The following TMEM40 variants were observed in gnomAD, a reference collection of about 807,000 sequenced individuals.
The protein encoded by TMEM40 is transmembrane protein 40.
TMEM40 carries 34 observed loss-of-function variants against 40.8 expected under a neutral mutation model. The observed-to-expected ratio is 0.83, with a 90% CI of 0.63 to 1.11. The LOEUF (loss-of-function observed/expected upper bound fraction) is 1.11, where lower values mean the gene tolerates loss of function less well. TMEM40 is among the 50% of genes least tolerant of loss of function. TMEM40 has a pLI of 0.00. For missense variants in TMEM40, 296 were observed against 280.2 expected, an observed-to-expected ratio of 1.06 and a Z score of -0.40; for synonymous variants, 106 against 107.0, an observed-to-expected ratio of 0.99 and a Z score of 0.06.
intron 7 of TMEM40, 122 bp downstream of exon 7, chr3:12,738,014 A>G (rs1359029124): frequency 1.6e-6 from 2 of 1,256,804 alleles, no homozygotes; most frequent in Non-Finnish European, 2.3e-6. Flanking sequence ...AATCATAGTG[A>G]CACTGGCTGG....
chr3:12,769,236 C>T (rs1257129337), intron 1 of TMEM40: 1 of 410,726 alleles, frequency 2.4e-6, no homozygotes, highest in South Asian at 1.6e-5. Context: ...CCCGCCCGTG[C>T]CTTTCTCTCC....
chr3:12,762,861 G>A (rs1330437042), upstream of TMEM40, among the ~76,000 whole-genome samples: 5 of 152,114 alleles, frequency 3.3e-5, no homozygotes, highest in Admixed American at 2.0e-4. Flanking sequence ...GATGTTTCCT[G>A]CCACTTAAAG....
Position 12,748,782 on chromosome 3 carries a change from T to C in TMEM40, c.84A>G (p.Thr28=). Residue 28 remains threonine (T), a synonymous_variant, in exon 3 of 12, where the codon ACA becomes ACG. Coordinates refer to ENST00000314124, the MANE Select transcript of TMEM40 (RefSeq NM_018306.4). The part of the protein sequence containing the change: ...RETEDVDYGE[T]DFHKQDGKAG... ...CCTTCCCATCTTGCTTGTGGAAATC[T>C]GTCTCTCCATCTACAAGGCACACAG... 1 of 1,614,048 alleles carries C rather than the reference T, an allele frequency of 6.2e-7. No homozygotes were observed.
chr3:12,737,500 C>T, intron 8 of TMEM40: 1 of 607,484 alleles, frequency 1.6e-6, no homozygotes, highest in Middle Eastern at 4.2e-4. Context: ...GGCCACTCCC[C>T]AACCTTGAAC....
chr3:12,751,734 G>A (rs1005304607), intron 1 of TMEM40, among the ~76,000 whole-genome samples: 3 of 152,172 alleles, frequency 2.0e-5, no homozygotes, highest in Non-Finnish European at 4.4e-5. Context: ...TTCTCTGCAC[G>A]CAACAGGTGA....
intron 10 of TMEM40, among the ~76,000 whole-genome samples, chr3:12,736,056 T>C (rs1235796249): frequency 6.6e-6 from 1 of 152,130 alleles, no homozygotes; most frequent in Non-Finnish European, 1.5e-5. Context: ...TGCTGTTGCA[T>C]TGTATGGAGC....
chr3:12,744,042 G>C (rs1392376946), intron 3 of TMEM40, 53 bp from the exon 4 acceptor site: 2 of 1,557,950 alleles, frequency 1.3e-6, no homozygotes, highest in Non-Finnish European at 1.8e-6. Flanking sequence ...AACAAGCTGG[G>C]AATGCGTTCA....
chr3:12,737,865 A>G (rs2061349306), intron 7 of TMEM40, 111 bp from the exon 8 acceptor site: 5 of 1,171,838 alleles, frequency 4.3e-6, no homozygotes, highest in Non-Finnish European at 5.1e-6. Flanking sequence ...TTCCTGGGTC[A>G]GAGGGCACTC....
chr3:12,764,149 G>A (rs1175568164), upstream of TMEM40, among the ~76,000 whole-genome samples: 1 of 151,940 alleles, frequency 6.6e-6, no homozygotes, highest in African/African-American at 2.4e-5. Flanking sequence ...CCTGACCTCA[G>A]ATAATCCACC....
chr3:12,735,875 A>T (rs1476745010), intron 10 of TMEM40, among the ~76,000 whole-genome samples: 1 of 152,212 alleles, frequency 6.6e-6, no homozygotes, highest in South Asian at 2.1e-4. Context: ...GTATCTGGCT[A>T]GTTCTATTTT....
chr3:12,738,025 C>T lies in TMEM40; in HGVS notation c.424+111G>A, dbSNP rs1459093826. 35 of 1,357,668 alleles carry T rather than the reference C, an allele frequency of 2.6e-5. No individual in the cohort carries two copies. In the Admixed American group the frequency reaches 2.9e-4, roughly 11 times the overall value. 84.1% of individuals were successfully genotyped at this position (1,357,668 alleles called of 1,614,324 possible). On this transcript the variant is annotated intron_variant, in intron 7 of 11. Coordinates refer to ENST00000314124, the MANE Select transcript of TMEM40 (RefSeq NM_018306.4). ...TCTGAATCATAGTGACACTGGCTGGCGACAGCATCCCTGCTGGGACTAACC... is the reference window on the plus strand; with the variant it reads ...TCTGAATCATAGTGACACTGGCTGGTGACAGCATCCCTGCTGGGACTAACC...
At chr3:12,749,544 AG>A (rs1236050227) in intron 2 of TMEM40, among the ~76,000 whole-genome samples, 1 of 152,202 alleles carries the variant, frequency 6.6e-6, no homozygotes, top group Non-Finnish European at 1.5e-5. Flanking sequence ...AGATTTGGCA[AG>A]CAGCTGAGGG....
intron 1 of TMEM40, among the ~76,000 whole-genome samples, chr3:12,767,111 G>A (rs1341293592): frequency 1.3e-5 from 2 of 152,214 alleles, no homozygotes; most frequent in Non-Finnish European, 2.9e-5. Context: ...GCAGCTACTA[G>A]AGAATGAATT....
upstream of TMEM40, among the ~76,000 whole-genome samples, chr3:12,761,188 G>A (rs1180173088): frequency 1.3e-5 from 2 of 152,244 alleles, no homozygotes; most frequent in African/African-American, 4.8e-5. Context: ...AACAGCCAGA[G>A]AGTGGGGGCC....
At chr3:12,749,182 AC>A (rs375543665) in intron 2 of TMEM40, among the ~76,000 whole-genome samples, 8 of 151,830 alleles carry the variant, frequency 5.3e-5, no homozygotes, top group African/African-American at 1.9e-4. Flanking sequence ...CCACCGCCAC[AC>A]CCGGCTAATT....
At chr3:12,741,032 C>G (rs2061378187) in intron 5 of TMEM40, among the ~76,000 whole-genome samples, 1 of 152,228 alleles carries the variant, frequency 6.6e-6, no homozygotes, top group Non-Finnish European at 1.5e-5. Flanking sequence ...GAACTCTGGA[C>G]TAGACAGGCA....
At chr3:12,760,121 T>C (rs2061558742), upstream of TMEM40, among the ~76,000 whole-genome samples, 1 of 152,140 alleles carries the variant, frequency 6.6e-6, no homozygotes, top group Admixed American at 6.5e-5. Flanking sequence ...GGTCCTGCCT[T>C]CAGTATAGCC....
At position 12,749,747 on chromosome 3, in the gene TMEM40, A is replaced by G. The variant is rs377245809; in HGVS notation, c.73+13T>C. ...TGTGGTTTTGCCCAGAGGGTCAGAG[A>G]AGGCAAACGTACAGTCTACATCTTC... On this transcript the variant is annotated intron_variant, in intron 2 of 11. Transcript: ENST00000314124. The G allele has an allele frequency of 8.7e-6, 14 of 1,611,990 alleles. No homozygotes were observed. The East Asian group carries it at 2.9e-4, about 33-fold the overall frequency.
chr3:12,738,470 C>G, intron 6 of TMEM40, 83 bp downstream of exon 6: 1 of 1,482,560 alleles, frequency 6.7e-7, no homozygotes, highest in South Asian at 1.1e-5. Context: ...CCAACAGGTG[C>G]TGGCTCTCTT....
Sources: allele counts gnomAD v4.1 joint callset (sites outside exome capture counted in the v4.1 genomes callset), GRCh38; gene constraint gnomAD v4.1.1; transcripts MANE v1.5; gene names NCBI Gene and HGNC (gene_info 2026-07-23, HGNC 2026-07-21).